The following EDIL3 variants were observed in gnomAD, a reference collection of about 807,000 sequenced individuals.
The protein encoded by EDIL3 is EGF like and discoidin domains 3, also known as EGF-like repeat and discoidin I-like domain-containing protein 3.
EDIL3 carries 37 observed loss-of-function variants against 67.4 expected under a neutral mutation model. The ratio of observed to expected loss-of-function variants is 0.55; its 90% CI spans 0.42 to 0.72. The LOEUF is 0.72. EDIL3 is among the 30% of genes least tolerant of loss of function. EDIL3 has a pLI of 0.00. For synonymous variants in EDIL3, 195 were observed against 196.3 expected (o/e 0.99, Z 0.05); for missense variants, 527 against 586.3 (o/e 0.90, Z 1.04).
At chr5:84,051,996 A>C (rs1231776480) in intron 9 of EDIL3, among the ~76,000 whole-genome samples, 1 of 152,210 alleles carries the variant, frequency 6.6e-6, no homozygotes, top group Non-Finnish European at 1.5e-5. Context: ...CAACTACAAG[A>C]CACATAATTG....
chr5:84,311,684 T>C (rs1320429033), intron 1 of EDIL3, among the ~76,000 whole-genome samples: 1 of 152,078 alleles, frequency 6.6e-6, no homozygotes, highest in Admixed American at 6.6e-5. Context: ...GTCTCTGGTT[T>C]TCCTATGCAG....
intron 1 of EDIL3, among the ~76,000 whole-genome samples, chr5:84,272,383 TA>T (rs1745493798): frequency 6.6e-6 from 1 of 152,000 alleles, no homozygotes. Flanking sequence ...GTCATAAAGA[TA>T]AAAATATACG....
intron 1 of EDIL3, among the ~76,000 whole-genome samples, chr5:84,315,528 G>T (rs563061485): frequency 2.6e-5 from 4 of 152,044 alleles, no homozygotes; most frequent in African/African-American, 9.7e-5. Flanking sequence ...TGATTTTAGC[G>T]TATCAGTGAA....
At chr5:84,368,730 T>C (rs1747787409) in intron 1 of EDIL3, among the ~76,000 whole-genome samples, 1 of 151,996 alleles carries the variant, frequency 6.6e-6, no homozygotes, top group Admixed American at 6.6e-5. Context: ...ACATATCTGA[T>C]AAGGAATTAA....
chr5:83,970,655 AT>A, intron 9 of EDIL3, among the ~76,000 whole-genome samples: 1 of 60,320 alleles, frequency 1.7e-5, no homozygotes, highest in Non-Finnish European at 3.7e-5. Context: ...ATATATATAT[AT>A]ATATATATAT....
chr5:83,992,869 A>AATATTT (rs1745174784), intron 9 of EDIL3, among the ~76,000 whole-genome samples: 1 of 151,756 alleles, frequency 6.6e-6, no homozygotes, highest in Non-Finnish European at 1.5e-5. Flanking sequence ...AAAATATTAA[A>AATATTT]AATATTTTTA....
rs1282524847 is a variant in EDIL3, at chr5:84,282,405, A to T, written c.68-28193T>A. Among the ~76,000 whole-genome samples, 3 of 152,230 alleles carry T rather than the reference A, an allele frequency of 2.0e-5. No individual in the cohort carries two copies. The East Asian group carries it at 5.8e-4, about 29-fold the overall frequency. Reference sequence around the variant, plus strand: ...TATATGTTGCTTTGTTTCCTGAAACAGTGTTTTTGAAATTTATCCGTTTTA... The same window carrying T: ...TATATGTTGCTTTGTTTCCTGAAACTGTGTTTTTGAAATTTATCCGTTTTA... On this transcript the variant is annotated intron_variant, in intron 1 of 10. Transcript: ENST00000296591.
At chr5:83,961,237 T>C (rs1289199893) in intron 10 of EDIL3, among the ~76,000 whole-genome samples, 1 of 151,032 alleles carries the variant, frequency 6.6e-6, no homozygotes, top group Non-Finnish European at 1.5e-5. Context: ...CAAACACTGA[T>C]ATAATGGCAA....
chr5:84,240,711 GT>G (rs1744778487), intron 2 of EDIL3, among the ~76,000 whole-genome samples: 1 of 152,218 alleles, frequency 6.6e-6, no homozygotes, highest in Non-Finnish European at 1.5e-5. Flanking sequence ...CACGAAACTG[GT>G]TCCTGGTGCC....
chr5:84,198,206 T>C (rs1743753366), intron 3 of EDIL3, among the ~76,000 whole-genome samples: 1 of 151,838 alleles, frequency 6.6e-6, no homozygotes, highest in African/African-American at 2.4e-5. Context: ...ATACCATTAA[T>C]GCAAGGTTAG....
At chr5:84,006,682 T>A (rs1360620211) in intron 9 of EDIL3, among the ~76,000 whole-genome samples, 1 of 152,176 alleles carries the variant, frequency 6.6e-6, no homozygotes, top group Non-Finnish European at 1.5e-5. Context: ...ACACACAATT[T>A]ATCTATGGAA....
intron 1 of EDIL3, among the ~76,000 whole-genome samples, chr5:84,375,260 G>A (rs1747944834): frequency 6.6e-6 from 1 of 152,120 alleles, no homozygotes; most frequent in African/African-American, 2.4e-5. Context: ...ATGTGCCACT[G>A]CGCCCAGCCT....
chr5:84,090,206 A>T (rs1747140112), intron 6 of EDIL3, among the ~76,000 whole-genome samples: 1 of 152,192 alleles, frequency 6.6e-6, no homozygotes, highest in Non-Finnish European at 1.5e-5. Flanking sequence ...TCACTAGTAG[A>T]GGCAGGTTAA....
chr5:84,357,414 G>T (rs898092567), intron 1 of EDIL3, among the ~76,000 whole-genome samples: 2 of 152,020 alleles, frequency 1.3e-5, no homozygotes, highest in African/African-American at 4.8e-5. Flanking sequence ...GCATATGAAA[G>T]AAAATTCTCC....
intron 4 of EDIL3, among the ~76,000 whole-genome samples, chr5:84,162,389 T>G (rs2112340883): frequency 1.3e-5 from 2 of 152,236 alleles, no homozygotes; most frequent in South Asian, 4.1e-4. Flanking sequence ...TTCTCTTCTC[T>G]CATTCCACCT....
rs547668604 is a variant in EDIL3, at chr5:84,110,316, C to T, written c.470-3486G>A. On this transcript the variant is annotated intron_variant, in intron 5 of 10. Transcript: ENST00000296591. ...CAATAAAAAGTTCAAAATCCAATTT[C>T]CTTTTGCCTGTGCTATCCACTTCCC... is the stretch of plus-strand genomic sequence containing the variant. Among the ~76,000 whole-genome samples the T allele has an allele frequency of 4.0e-3, 616 of 152,240 alleles. 5 individuals are homozygous for T. Among genetic ancestry groups the T allele is most frequent in the Non-Finnish European group, 6.9e-3 (469 of 68,006 alleles).
chr5:84,157,133 A>G (rs1372271925), intron 4 of EDIL3, among the ~76,000 whole-genome samples: 2 of 152,152 alleles, frequency 1.3e-5, no homozygotes, highest in African/African-American at 2.4e-5. Flanking sequence ...TCTATTAAAA[A>G]TGTCAAGAGT....
chr5:83,952,751 C>T, intron 10 of EDIL3, among the ~76,000 whole-genome samples: 1 of 151,798 alleles, frequency 6.6e-6, no homozygotes, highest in East Asian at 2.0e-4. Context: ...TGACTCTACC[C>T]TTCATGGTAG....
intron 3 of EDIL3, among the ~76,000 whole-genome samples, chr5:84,188,695 C>T (rs1235731964): frequency 6.6e-6 from 1 of 151,908 alleles, no homozygotes; most frequent in East Asian, 1.9e-4. Flanking sequence ...TCCAATTGGA[C>T]TGGTGTCCTT....
Sources: allele counts gnomAD v4.1 joint callset (sites outside exome capture counted in the v4.1 genomes callset), GRCh38; gene constraint gnomAD v4.1.1; transcripts MANE v1.5; gene names NCBI Gene and HGNC (gene_info 2026-07-23, HGNC 2026-07-21).